PPID: variants seen among roughly 807,000 people sequenced by gnomAD.
PPID encodes peptidyl-prolyl cis-trans isomerase D.
In PPID, 47 loss-of-function variants were observed where a neutral mutation model predicts 48.1. That is an observed-to-expected ratio of 0.98 (90% CI 0.77 to 1.25). The LOEUF is 1.25. PPID is among the 50% of genes most tolerant of loss of function. The pLI, the probability that PPID is intolerant of heterozygous loss-of-function variation, is 0.00. For synonymous variants in PPID, 163 were observed against 148.8 expected (o/e 1.10, Z -0.69); for missense variants, 429 against 443.5 (o/e 0.97, Z 0.29).
intron 6 of PPID, among the ~76,000 whole-genome samples, chr4:158,714,426 C>T (rs552090353): frequency 1.3e-5 from 2 of 152,160 alleles, no homozygotes; most frequent in African/African-American, 2.4e-5. Context: ...AGATGAAAGT[C>T]TATAAAAACA....
chr4:158,716,937 G>C (rs1774881951), intron 4 of PPID, 75 bp downstream of exon 4: 2 of 1,473,658 alleles, frequency 1.4e-6, no homozygotes, highest in East Asian at 2.3e-5. Flanking sequence ...CTCCAGCCTG[G>C]AACAGATCGA....
chr4:158,711,033 A>G (rs962002255), intron 7 of PPID, among the ~76,000 whole-genome samples, 185 bp from the exon 8 acceptor site: 4 of 152,192 alleles, frequency 2.6e-5, no homozygotes, highest in Admixed American at 2.6e-4. Context: ...CTGAATGGAC[A>G]TGGAGGAGAA....
At chr4:158,709,907 T>G in intron 9 of PPID, 83 bp from the exon 10 acceptor site, 6 of 1,121,138 alleles carry the variant, frequency 5.4e-6, no homozygotes, top group Non-Finnish European at 7.7e-6. Flanking sequence ...TAATGTTAAC[T>G]ACCCCTTGAA....
chr4:158,718,095 C>T (rs1774900679), intron 3 of PPID, among the ~76,000 whole-genome samples: 1 of 152,152 alleles, frequency 6.6e-6, no homozygotes, highest in Admixed American at 6.5e-5. Context: ...TCTATAGGCC[C>T]CTTTTCTCTA....
chr4:158,715,385 T>C lies in PPID; in HGVS notation c.664A>G (p.Ile222Val), dbSNP rs887553720. Residue 222 changes from isoleucine (I) to valine (V), a missense_variant, in exon 6 of 10, where the codon ATA becomes GTA. Ile to Val is a conservative substitution (Grantham distance 29, BLOSUM62 3). Transcript: ENST00000307720. ...CCAATGTTTTTTAAGTCTTCTGTTATTAATAAAATTTTATCTACCTGTATA... is the reference window on the plus strand; with the variant it reads ...CCAATGTTTTTTAAGTCTTCTGTTACTAATAAAATTTTATCTACCTGTATA... ...DLKDVDKILL[I>V]TEDLKNIGNT... 14 of 1,519,364 alleles carry C rather than the reference T, an allele frequency of 9.2e-6. No individual in the cohort carries two copies. Among genetic ancestry groups the C allele is most frequent in the Non-Finnish European group, 1.1e-5 (13 of 1,132,740 alleles). 94.1% of individuals were successfully genotyped at this position (1,519,364 alleles called of 1,614,324 possible).
At position 158,710,862 on chromosome 4, in the gene PPID, T is replaced by A; in HGVS notation, c.895-14A>T. ...TAGTTCAAGAGCCTACAAAAAAGTA[T>A]AAAGCTAGTATTTATATCAAAGTAT... On this transcript the variant is annotated splice_polypyrimidine_tract_variant and intron_variant, in intron 7 of 9. Transcript: ENST00000307720. 1 of 1,590,010 alleles carries A rather than the reference T, an allele frequency of 6.3e-7. No homozygotes were observed. Among genetic ancestry groups the A allele is most frequent in the African/African-American group, 1.3e-5 (1 of 74,278 alleles).
chr4:158,718,374 T>C (rs1774904171), intron 3 of PPID, among the ~76,000 whole-genome samples: 1 of 152,232 alleles, frequency 6.6e-6, no homozygotes, highest in African/African-American at 2.4e-5. Context: ...AATCACATCT[T>C]TCTCCTGCAG....
rs559747481 is a variant in PPID at position 158,721,485 on chromosome 4, T to C, written c.86-2A>G. The C allele has an allele frequency of 6.2e-7, 1 of 1,611,696 alleles. No homozygotes were observed. Among genetic ancestry groups the C allele is most frequent in the African/African-American group, 1.3e-5 (1 of 74,866 alleles). ...ACAATTCTAAGACAATTCGACCAAC[T>C]AAAAGAAAAGAAAATCTTGTCAGTA... On this transcript the variant is annotated splice_acceptor_variant, in intron 1 of 9. Transcript: ENST00000307720. LOFTEE classifies it high-confidence loss of function.
At chr4:158,722,737 G>A (rs1295250261) in intron 1 of PPID, among the ~76,000 whole-genome samples, 1 of 152,170 alleles carries the variant, frequency 6.6e-6, no homozygotes, top group East Asian at 1.9e-4. Flanking sequence ...TCAGTAATAA[G>A]GCAAAAGCAA....
intron 7 of PPID, among the ~76,000 whole-genome samples, 178 bp downstream of exon 7, chr4:158,712,941 A>G (rs1774812948): frequency 6.6e-6 from 1 of 152,276 alleles, no homozygotes; most frequent in South Asian, 2.1e-4. Context: ...ACACAGAGTT[A>G]TAAGCAAAAT....
intron 4 of PPID, 37 bp from the exon 5 acceptor site, chr4:158,715,721 C>T (rs1448275125): frequency 6.3e-7 from 1 of 1,584,016 alleles, no homozygotes; most frequent in South Asian, 1.1e-5. Flanking sequence ...AGTGCACTAT[C>T]GTAATAATGA....
rs370283252 is a variant in PPID at position 158,717,160 on chromosome 4, C to T, written c.374G>A (p.Arg125His). ...EGLLSMANAG[R>H]NTNGSQFFIT... ...AAAAAACTGAGAACCGTTTGTGTTGCGGCCTGCATTTGCCATGCTCAGTAA... is the reference window on the plus strand; with the variant it reads ...AAAAAACTGAGAACCGTTTGTGTTGTGGCCTGCATTTGCCATGCTCAGTAA... The change falls in exon 4 of 10, where the codon CGC (arginine) becomes CAC (histidine). Residue 125 changes from arginine (R) to histidine (H), a missense_variant. Transcript: ENST00000307720. The T allele has an allele frequency of 2.2e-5, 35 of 1,613,902 alleles. No homozygotes were observed. Among genetic ancestry groups the T allele is most frequent in the Middle Eastern group, 1.6e-4 (1 of 6,084 alleles).
rs1267035192 is a variant in PPID at position 158,713,135 on chromosome 4, A to G, written c.878T>C (p.Ile293Thr). Residue 293 changes from isoleucine (I) to threonine (T), a missense_variant, in exon 7 of 10, where the codon ATT becomes ACT. Physicochemically the swap from Ile to Thr is moderately conservative, Grantham distance 89. Transcript: ENST00000307720. ...KLKMSNWQGA[I>T]DSCLEALELD... ...CAGACTTACCTCTAAACAACTGTCAATTGCTCCCTGCCAATTTGACATCTT... is the reference window on the plus strand; with the variant it reads ...CAGACTTACCTCTAAACAACTGTCAGTTGCTCCCTGCCAATTTGACATCTT... 17 of 1,613,950 alleles carry G rather than the reference A, an allele frequency of 1.1e-5. No individual in the cohort carries two copies. Among genetic ancestry groups the G allele is most frequent in the Non-Finnish European group, 1.4e-5 (16 of 1,180,004 alleles).
intron 2 of PPID, among the ~76,000 whole-genome samples, chr4:158,720,430 C>T (rs2126339365): frequency 6.6e-6 from 1 of 152,022 alleles, no homozygotes; most frequent in Non-Finnish European, 1.5e-5. Context: ...GCTTATTTGC[C>T]TATTTATTAA....
chr4:158,721,036 A>G (rs1774950958), intron 2 of PPID, among the ~76,000 whole-genome samples: 1 of 152,190 alleles, frequency 6.6e-6, no homozygotes, highest in Non-Finnish European at 1.5e-5. Context: ...TTTTGTCACC[A>G]GGCAATGAAG....
chr4:158,718,536 T>C (rs1420867219), intron 3 of PPID, among the ~76,000 whole-genome samples: 1 of 152,206 alleles, frequency 6.6e-6, no homozygotes, highest in East Asian at 1.9e-4. Flanking sequence ...CCTTTCATTT[T>C]TATAAACCCT....
chr4:158,710,519 G>T, intron 9 of PPID, 109 bp downstream of exon 9: 1 of 1,171,298 alleles, frequency 8.5e-7, no homozygotes, highest in African/African-American at 1.5e-5. Flanking sequence ...CAGGCATTCT[G>T]TAGTGTCTGT....
At chr4:158,714,865 T>C (rs1472597783) in intron 6 of PPID, among the ~76,000 whole-genome samples, 1 of 152,162 alleles carries the variant, frequency 6.6e-6, no homozygotes, top group African/African-American at 2.4e-5. Flanking sequence ...GCTGGGATTA[T>C]AGGCATGAGC....
At position 158,715,363 on chromosome 4, in the gene PPID, A is replaced by G. The variant is rs1277402768; in HGVS notation, c.686T>C (p.Ile229Thr). 3 of 1,541,410 alleles carry G rather than the reference A, an allele frequency of 1.9e-6. No individual in the cohort carries two copies. Among genetic ancestry groups the G allele is most frequent in the Non-Finnish European group, 2.6e-6 (3 of 1,146,562 alleles). ...CTGGGATTTGAAAAAAGTATTTCCA[A>G]TGTTTTTTAAGTCTTCTGTTATTAA... ...ILLITEDLKN[I>T]GNTFFKSQNW... Residue 229 changes from isoleucine to threonine, a missense_variant, in exon 6 of 10, where the codon ATT becomes ACT. Transcript: ENST00000307720.
Sources: allele counts gnomAD v4.1 joint callset (sites outside exome capture counted in the v4.1 genomes callset), GRCh38; gene constraint gnomAD v4.1.1; transcripts MANE v1.5; gene names NCBI Gene and HGNC (gene_info 2026-07-23, HGNC 2026-07-21).